Variants in SYNE2 observed in about 807,000 individuals in gnomAD.
SYNE2 encodes the protein nesprin-2.
A neutral mutation model predicts 856.3 loss-of-function variants in SYNE2; 431 were observed. The ratio of observed to expected loss-of-function variants is 0.50; its 90% CI spans 0.47 to 0.55. The LOEUF (loss-of-function observed/expected upper bound fraction) is 0.55. Ranked by LOEUF, SYNE2 falls within the 20% of genes least tolerant of loss-of-function variation. SYNE2 has a pLI of 0.00. For missense variants in SYNE2, 8,129 were observed against 8,023.2 expected, an observed-to-expected ratio of 1.01 and a Z score of -0.50; for synonymous variants, 2,923 against 2,872.3, an observed-to-expected ratio of 1.02 and a Z score of -0.56.
chr14:64,009,558 A>G (rs945533235), intron 31 of SYNE2, among the ~76,000 whole-genome samples: 61 of 148,100 alleles, frequency 4.1e-4, no homozygotes, highest in Non-Finnish European at 7.9e-4. Flanking sequence ...AAAAAAAAAA[A>G]AGAGAATAGA....
At chr14:63,867,999 A>C (rs1895869386) in intron 1 of SYNE2, among the ~76,000 whole-genome samples, 1 of 152,128 alleles carries the variant, frequency 6.6e-6, no homozygotes, top group Admixed American at 6.5e-5. Context: ...GCAGTAAGCT[A>C]TAATCATGCC....
chr14:64,010,595 G>A (rs1476086839), intron 32 of SYNE2, among the ~76,000 whole-genome samples: 1 of 152,118 alleles, frequency 6.6e-6, no homozygotes, highest in African/African-American at 2.4e-5. Flanking sequence ...AATATTTTTG[G>A]ACACTAGGTG....
At chr14:64,225,223 C>G in intron 115 of SYNE2, 96 bp from the exon 116 acceptor site, 1 of 1,598,302 alleles carries the variant, frequency 6.3e-7, no homozygotes, top group Non-Finnish European at 8.6e-7. Context: ...AATCTCAGGT[C>G]TTGGATTTCT....
At chr14:64,022,120 G>A in intron 37 of SYNE2, 92 bp downstream of exon 37, 1 of 1,249,972 alleles carries the variant, frequency 8.0e-7, no homozygotes, top group Admixed American at 1.7e-5. Flanking sequence ...GCCTGACTTA[G>A]AGATGGTTTG....
intron 2 of SYNE2, among the ~76,000 whole-genome samples, chr14:63,922,562 G>T (rs2153380907): frequency 6.6e-6 from 1 of 152,254 alleles, no homozygotes; most frequent in South Asian, 2.1e-4. Flanking sequence ...TAGCACTGTG[G>T]GAGGATAGCT....
chr14:63,978,902 A>G lies in SYNE2; in HGVS notation c.1457A>G (p.Tyr486Cys). The change falls in exon 14 of 116, where the codon TAC becomes TGC. Residue 486 changes from tyrosine to cysteine, a missense_variant. By Grantham distance (194) the Tyr-to-Cys change is radical. Coordinates refer to ENST00000555002, the MANE Select transcript of SYNE2 (RefSeq NM_182914.3). ...TTTATTCTACTTCTAGAATTTCATT[A>G]CTACAAGTGCTTAGTTCTTGGTTTG... The part of the protein sequence containing the change: ...KKFILLLEFH[Y>C]YKCLVLGLVD... The G allele has an allele frequency of 6.2e-7, 1 of 1,612,334 alleles. No individual in the cohort carries two copies. The highest frequency in any genetic ancestry group is 8.5e-7 in the Non-Finnish European group (1 of 1,178,478).
intron 9 of SYNE2, among the ~76,000 whole-genome samples, chr14:63,962,127 G>T (rs2096326139): frequency 6.6e-6 from 1 of 151,792 alleles, no homozygotes; most frequent in African/African-American, 2.4e-5. Flanking sequence ...CGCGATCTTG[G>T]CTTACAGCAA....
chr14:64,020,020 CTT>C lies in SYNE2; in HGVS notation c.5079_5080del (p.Ser1694ArgfsTer4). 1 of 1,613,722 alleles carries C rather than the reference CTT, an allele frequency of 6.2e-7. No homozygotes were observed. Among genetic ancestry groups the C allele is most frequent in the Non-Finnish European group, 8.5e-7 (1 of 1,179,688 alleles). The stretch of plus-strand genomic sequence containing the variant: ...GAATTACAAGTCCATGAACAAAAAA[CTT>C]CAGAATTTTCTAGAAGAGTGGCTGA... On this transcript the variant is annotated frameshift_variant, in exon 35 of 116. Transcript: ENST00000555002. LOFTEE classifies it high-confidence loss of function.
At chr14:63,855,501 G>C (rs1029807714) in intron 1 of SYNE2, among the ~76,000 whole-genome samples, 4 of 152,048 alleles carry the variant, frequency 2.6e-5, no homozygotes, top group South Asian at 2.1e-4. Flanking sequence ...TGCTGCATGA[G>C]GGCCTTTGGA....
intron 94 of SYNE2, chr14:64,173,751 A>G (rs1399343181): frequency 5.9e-6 from 3 of 508,890 alleles, no homozygotes; most frequent in Non-Finnish European, 1.0e-5. Flanking sequence ...GGCACTCACC[A>G]GAATGCCCAG....
chr14:64,064,135 A>C (rs2097339288), intron 50 of SYNE2, among the ~76,000 whole-genome samples: 3 of 152,144 alleles, frequency 2.0e-5, no homozygotes, highest in Admixed American at 1.3e-4. Flanking sequence ...GATGAAATGA[A>C]GTGAGGTAAT....
intron 106 of SYNE2, 47 bp from the exon 107 acceptor site, chr14:64,215,239 A>G (rs1052273475): frequency 2.0e-6 from 3 of 1,535,946 alleles, no homozygotes; most frequent in Admixed American, 3.3e-5. Context: ...CTTGGGCATT[A>G]ATCTTCAGGC....
intron 46 of SYNE2, chr14:64,048,718 G>C (rs1423795799): frequency 6.6e-6 from 1 of 152,432 alleles, no homozygotes; most frequent in African/African-American, 2.4e-5. Flanking sequence ...GACCAGCCTG[G>C]GCAGCATTGC....
At chr14:64,085,560 T>C (rs2097555036) in intron 57 of SYNE2, among the ~76,000 whole-genome samples, 1 of 152,240 alleles carries the variant, frequency 6.6e-6, no homozygotes, top group Non-Finnish European at 1.5e-5. Flanking sequence ...TCTCTGACTT[T>C]TACGATGTGT....
chr14:64,147,503 C>A (rs1437870184), intron 84 of SYNE2, among the ~76,000 whole-genome samples: 1 of 152,192 alleles, frequency 6.6e-6, no homozygotes, highest in African/African-American at 2.4e-5. Flanking sequence ...GTGAGTCTTA[C>A]ACAGTTGTTT....
chr14:63,881,915 T>G (rs373806435), intron 1 of SYNE2, among the ~76,000 whole-genome samples: 3 of 152,230 alleles, frequency 2.0e-5, no homozygotes, highest in African/African-American at 7.2e-5. Flanking sequence ...GTTAGCCTTA[T>G]GGGAATTTTA....
chr14:63,774,915 A>C (rs1180805796), intron 1 of SYNE2, among the ~76,000 whole-genome samples: 2 of 152,182 alleles, frequency 1.3e-5, no homozygotes, highest in African/African-American at 4.8e-5. Context: ...CAAGAAGCTT[A>C]CAATGTAGGA....
intron 8 of SYNE2, among the ~76,000 whole-genome samples, chr14:63,958,426 T>C (rs770244078): frequency 3.0e-4 from 46 of 152,184 alleles, no homozygotes; most frequent in Non-Finnish European, 2.9e-4. Context: ...GCCCCTTTAT[T>C]GGAATTTACA....
intron 1 of SYNE2, among the ~76,000 whole-genome samples, chr14:63,866,038 T>C (rs2140274489): frequency 6.6e-6 from 1 of 152,272 alleles, no homozygotes; most frequent in East Asian, 1.9e-4. Flanking sequence ...TAAGAAATAT[T>C]TTTTTCCTTA....
Sources: allele counts gnomAD v4.1 joint callset (sites outside exome capture counted in the v4.1 genomes callset), GRCh38; gene constraint gnomAD v4.1.1; transcripts MANE v1.5; gene names NCBI Gene and HGNC (gene_info 2026-07-23, HGNC 2026-07-21).